CARMIL1: variants seen among roughly 807,000 people sequenced by gnomAD.
CARMIL1 encodes the protein F-actin-uncapping protein LRRC16A.
A neutral mutation model predicts 177.1 loss-of-function variants in CARMIL1; 90 were observed. The observed-to-expected ratio is 0.51, with a 90% CI of 0.43 to 0.61. The LOEUF is 0.61. Ranked by LOEUF, CARMIL1 falls within the 20% of genes least tolerant of loss-of-function variation. The pLI, the probability that CARMIL1 is intolerant of heterozygous loss-of-function variation, is 0.00. For synonymous variants in CARMIL1, 577 were observed against 606.2 expected, an observed-to-expected ratio of 0.95 and a Z score of 0.71; for missense variants, 1,380 against 1,667.0, an observed-to-expected ratio of 0.83 and a Z score of 3.00.
intron 2 of CARMIL1, among the ~76,000 whole-genome samples, chr6:25,413,563 C>A (rs538177639): frequency 1.3e-5 from 2 of 152,148 alleles, no homozygotes; most frequent in Non-Finnish European, 2.9e-5. Context: ...GTAAGGAGGA[C>A]TTATAAATGT....
intron 2 of CARMIL1, among the ~76,000 whole-genome samples, chr6:25,307,481 G>A (rs1178068453): frequency 6.6e-6 from 1 of 152,124 alleles, no homozygotes; most frequent in East Asian, 1.9e-4. Flanking sequence ...TTGATTAGAT[G>A]TGCAACATAT....
chr6:25,574,910 G>A (rs1029986227), intron 29 of CARMIL1, among the ~76,000 whole-genome samples: 1 of 151,702 alleles, frequency 6.6e-6, no homozygotes, highest in Non-Finnish European at 1.5e-5. Flanking sequence ...TCTCTCTTTG[G>A]GAATAGAAGA....
chr6:25,592,862 C>G (rs1013562797), intron 31 of CARMIL1, among the ~76,000 whole-genome samples: 18 of 152,200 alleles, frequency 1.2e-4, no homozygotes, highest in Non-Finnish European at 4.4e-5. Context: ...GGGCAAGATG[C>G]ATGCTCTCTC....
chr6:25,496,058 C>T (rs1803674303), intron 16 of CARMIL1, among the ~76,000 whole-genome samples: 1 of 152,146 alleles, frequency 6.6e-6, no homozygotes, highest in African/African-American at 2.4e-5. Context: ...TGCTATTCAT[C>T]TTACTAGAAA....
chr6:25,539,839 A>C, intron 25 of CARMIL1, 108 bp from the exon 26 acceptor site: 177 of 822,450 alleles, frequency 2.2e-4, no homozygotes, highest in Non-Finnish European at 2.9e-4. Context: ...TTGACTGAGA[A>C]GAGATTATCC....
chr6:25,529,584 TA>T (rs935291203), intron 24 of CARMIL1, among the ~76,000 whole-genome samples: 2 of 151,782 alleles, frequency 1.3e-5, no homozygotes, highest in East Asian at 1.9e-4. Context: ...CAGAGAGCTT[TA>T]AAAAAAATTG....
chr6:25,333,528 T>G (rs1329485074), intron 2 of CARMIL1, among the ~76,000 whole-genome samples: 2 of 152,240 alleles, frequency 1.3e-5, no homozygotes, highest in Non-Finnish European at 2.9e-5. Context: ...ATTGTGCCAC[T>G]GCGCTCCAGC....
intron 17 of CARMIL1, among the ~76,000 whole-genome samples, chr6:25,507,909 A>G (rs1805080587): frequency 6.6e-6 from 1 of 152,200 alleles, no homozygotes; most frequent in African/African-American, 2.4e-5. Context: ...AAATATCTGT[A>G]GTAAATAAAC....
intron 2 of CARMIL1, among the ~76,000 whole-genome samples, chr6:25,397,498 G>C (rs553447341): frequency 6.6e-6 from 1 of 152,312 alleles, no homozygotes; most frequent in South Asian, 2.1e-4. Flanking sequence ...AGTCTGAAGG[G>C]GTAGAGGGTA....
At chr6:25,539,382 G>C (rs1289584382) in intron 25 of CARMIL1, among the ~76,000 whole-genome samples, 1 of 152,044 alleles carries the variant, frequency 6.6e-6, no homozygotes, top group South Asian at 2.1e-4. Context: ...GACTTGCCTG[G>C]TGTGGCAAAC....
At chr6:25,611,341 C>T (rs1816489401) in intron 36 of CARMIL1, among the ~76,000 whole-genome samples, 1 of 152,152 alleles carries the variant, frequency 6.6e-6, no homozygotes, top group Admixed American at 6.5e-5. Context: ...AGTCATTTTA[C>T]ATGAGGTAAA....
intron 3 of CARMIL1, chr6:25,420,377 C>G: frequency 1.8e-6 from 1 of 554,894 alleles, no homozygotes; most frequent in Admixed American, 3.1e-5. Context: ...CCAGAAGCAC[C>G]TAAAGGCTGT....
chr6:25,351,278 A>T (rs371018013), intron 2 of CARMIL1, among the ~76,000 whole-genome samples: 1 of 152,200 alleles, frequency 6.6e-6, no homozygotes, highest in Non-Finnish European at 1.5e-5. Flanking sequence ...TGCTTAAAGG[A>T]TAATGTTTTG....
chr6:25,607,882 G>A (rs778307274), intron 35 of CARMIL1, among the ~76,000 whole-genome samples: 2 of 152,170 alleles, frequency 1.3e-5, no homozygotes, highest in Non-Finnish European at 2.9e-5. Context: ...AAGGAACTAA[G>A]CCTTGAAACA....
chr6:25,292,896 G>A (rs1581466128), intron 2 of CARMIL1, among the ~76,000 whole-genome samples: 1 of 151,966 alleles, frequency 6.6e-6, no homozygotes, highest in Admixed American at 6.6e-5. Context: ...GGAATGAATA[G>A]GGAGAACTCT....
intron 2 of CARMIL1, among the ~76,000 whole-genome samples, chr6:25,395,638 A>G (rs1005840031): frequency 6.6e-6 from 1 of 152,200 alleles, no homozygotes; most frequent in African/African-American, 2.4e-5. Flanking sequence ...CATAAGTTAC[A>G]TTTTGGGACC....
At chr6:25,383,298 C>T (rs1322671536) in intron 2 of CARMIL1, among the ~76,000 whole-genome samples, 1 of 151,892 alleles carries the variant, frequency 6.6e-6, no homozygotes, top group Non-Finnish European at 1.5e-5. Context: ...TTCAAATGTA[C>T]ATAGATGTAG....
At chr6:25,458,961 A>G (rs1253054375) in intron 8 of CARMIL1, among the ~76,000 whole-genome samples, 1 of 152,164 alleles carries the variant, frequency 6.6e-6, no homozygotes, top group Non-Finnish European at 1.5e-5. Context: ...TAAATGAACA[A>G]TTATCTAACA....
chr6:25,598,393 C>G (rs1332562388), intron 32 of CARMIL1, among the ~76,000 whole-genome samples: 1 of 152,002 alleles, frequency 6.6e-6, no homozygotes, highest in East Asian at 1.9e-4. Context: ...CATGGACCAC[C>G]CCTCCCAGCT....
Sources: allele counts gnomAD v4.1 joint callset (sites outside exome capture counted in the v4.1 genomes callset), GRCh38; gene constraint gnomAD v4.1.1; transcripts MANE v1.5; gene names NCBI Gene and HGNC (gene_info 2026-07-23, HGNC 2026-07-21).